The following ANO2 variants were observed in gnomAD, a reference collection of about 807,000 sequenced individuals.
ANO2 encodes anoctamin-2.
A neutral mutation model predicts 124.2 loss-of-function variants in ANO2; 101 were observed. The observed-to-expected ratio is 0.81, with a 90% confidence interval of 0.69 to 0.96. The LOEUF is 0.96. Ranked by LOEUF, ANO2 falls within the 40% of genes least tolerant of loss-of-function variation. The pLI, the probability that ANO2 is intolerant of heterozygous loss-of-function variation, is 0.00. For missense variants in ANO2, 1,293 were observed against 1,274.5 expected (o/e 1.01, Z -0.22); for synonymous variants, 486 against 482.5 (o/e 1.01, Z -0.09).
chr12:5,764,438 G>A (rs891712010), intron 10 of ANO2, among the ~76,000 whole-genome samples: 3 of 152,154 alleles, frequency 2.0e-5, no homozygotes, highest in Non-Finnish European at 2.9e-5. Flanking sequence ...TTACAGATGA[G>A]GAAACTGATG....
At chr12:5,845,945 A>G (rs1315489232) in intron 4 of ANO2, among the ~76,000 whole-genome samples, 1 of 152,224 alleles carries the variant, frequency 6.6e-6, no homozygotes, top group East Asian at 1.9e-4. Flanking sequence ...TTTAAAACTC[A>G]ATTAATTTAT....
intron 3 of ANO2, among the ~76,000 whole-genome samples, chr12:5,859,542 T>C (rs1291431259): frequency 6.7e-6 from 1 of 149,418 alleles, no homozygotes; most frequent in Non-Finnish European, 1.5e-5. Flanking sequence ...CTCTCTCTCT[T>C]TTTTTTTTTC....
chr12:5,937,609 T>C (rs377683282), intron 1 of ANO2, among the ~76,000 whole-genome samples: 1 of 152,244 alleles, frequency 6.6e-6, no homozygotes, highest in African/African-American at 2.4e-5. Context: ...ACATTGTGAA[T>C]GATAAAACAT....
chr12:5,608,319 C>T (rs1944318291), intron 19 of ANO2, among the ~76,000 whole-genome samples: 1 of 149,758 alleles, frequency 6.7e-6, no homozygotes, highest in South Asian at 2.2e-4. Flanking sequence ...CAAAATACAA[C>T]CTTTATAATT....
intron 10 of ANO2, among the ~76,000 whole-genome samples, chr12:5,757,498 G>A (rs186232943): frequency 2.0e-5 from 3 of 152,256 alleles, no homozygotes; most frequent in Non-Finnish European, 2.9e-5. Context: ...AGCCTGTGAC[G>A]TAAAACACAA....
chr12:5,940,477 C>G, intron 1 of ANO2, among the ~76,000 whole-genome samples: 1 of 152,202 alleles, frequency 6.6e-6, no homozygotes, highest in African/African-American at 2.4e-5. Context: ...GACCAGGAAG[C>G]CTAAGCATGC....
At chr12:5,599,419 C>G (rs1943818500) in intron 20 of ANO2, 65 bp downstream of exon 20, 1 of 1,534,276 alleles carries the variant, frequency 6.5e-7, no homozygotes, top group Non-Finnish European at 8.7e-7. Context: ...TACCTTCCCC[C>G]TTCAACCCCA....
At chr12:5,946,175 C>CTA (rs1164444384), upstream of ANO2, 4 of 1,613,718 alleles carry the variant, frequency 2.5e-6, no homozygotes, top group Non-Finnish European at 3.4e-6. This position sits in a 1 kb window ranked among gnomAD's most constrained non-coding sequence, Gnocchi z 4.1. Context: ...ATTTTCTCTC[C>CTA]TATATTGATA....
chr12:5,721,718 C>A lies in ANO2; in HGVS notation c.1545+10802G>T, dbSNP rs913117806. On this transcript the variant is annotated intron_variant, in intron 14 of 24. Coordinates refer to ENST00000682330, the MANE Select transcript of ANO2 (RefSeq NM_001364791.2). ...AGACACGGTCTTACTACGTTGCCCA[C>A]GCTGGTCTCAAACTCCTGAGCTCAA... Among the ~76,000 whole-genome samples the A allele has an allele frequency of 2.0e-5, 3 of 152,126 alleles. No individual in the cohort carries two copies. In the East Asian group the frequency reaches 5.8e-4, roughly 29 times the overall value.
In ANO2 at chr12:5,610,983, T is replaced by TTTTTTTTGCTTTTTTTTTTTG. The variant is rs1555100751; in HGVS notation, c.2087+1672_2087+1673insCAAAAAAAAAAAGCAAAAAAA. Among the ~76,000 whole-genome samples the TTTTTTTTGCTTTTTTTTTTTG allele has an allele frequency of 4.9e-5, 6 of 121,654 alleles. 1 individual carries two copies. Among genetic ancestry groups the TTTTTTTTGCTTTTTTTTTTTG allele is most frequent in the African/African-American group, 1.9e-4 (6 of 32,372 alleles). 79.8% of individuals were successfully genotyped at this position (121,654 alleles called of 152,430 possible). A position where few individuals can be genotyped will look rare whatever the true frequency, so the allele number is the denominator to read the frequency against. On this transcript the variant is annotated intron_variant, in intron 19 of 24. Coordinates refer to ENST00000682330, the MANE Select transcript of ANO2 (RefSeq NM_001364791.2). Reference sequence around the variant, plus strand: ...AACAAACTTCTCTGCTTTTTTTTTTTTTTTTTGAGACAGAGTCTTGCTCTG... The same window carrying TTTTTTTTGCTTTTTTTTTTTG: ...AACAAACTTCTCTGCTTTTTTTTTTTTTTTTTTGCTTTTTTTTTTTGTTTTTTGAGACAGAGTCTTGCTCTG...
chr12:5,563,318 G>C lies in ANO2; in HGVS notation c.2978C>G (p.Ser993Cys). The C allele has an allele frequency of 2.5e-6, 4 of 1,600,982 alleles. No homozygotes were observed. Among genetic ancestry groups the C allele is most frequent in the Non-Finnish European group, 3.4e-6 (4 of 1,176,730 alleles). The change falls in exon 25 of 25, where the codon TCT (serine) becomes TGT (cysteine). Residue 993 changes from serine (S) to cysteine (C), a missense_variant. By Grantham distance (112) the Ser-to-Cys change is moderately radical. Coordinates refer to ENST00000682330, the MANE Select transcript of ANO2 (RefSeq NM_001364791.2). The part of the protein sequence containing the change: ...SQLGSMMSSG[S>C]QHTNV ...AACTGCTCACACATTGGTGTGCTGA[G>C]AGCCTGACGACATCATGCTGCCCAG...
chr12:5,752,929 G>A (rs1276266620), intron 10 of ANO2, among the ~76,000 whole-genome samples: 1 of 152,126 alleles, frequency 6.6e-6, no homozygotes, highest in African/African-American at 2.4e-5. Flanking sequence ...TCATGCATGT[G>A]GATATCCAGT....
chr12:5,585,755 G>T (rs544484549), intron 20 of ANO2, among the ~76,000 whole-genome samples: 1 of 152,110 alleles, frequency 6.6e-6, no homozygotes, highest in Non-Finnish European at 1.5e-5. Context: ...GCGTGAGTTC[G>T]AAGGGCAATG....
intron 1 of ANO2, among the ~76,000 whole-genome samples, chr12:5,930,689 T>G (rs748712259): frequency 1.3e-5 from 2 of 152,154 alleles, no homozygotes; most frequent in South Asian, 2.1e-4. Context: ...GCTTCTTGCA[T>G]GAATTGGACC....
At chr12:5,922,562 T>C (rs1591796170) in intron 2 of ANO2, 58 bp downstream of exon 2, 1 of 1,479,642 alleles carries the variant, frequency 6.8e-7, no homozygotes, top group South Asian at 1.3e-5. Context: ...CAGAGGCTCC[T>C]TGGTGGCCTG....
chr12:5,645,427 A>ATGTG (rs556265817), intron 15 of ANO2, among the ~76,000 whole-genome samples: 16 of 146,148 alleles, frequency 1.1e-4, no homozygotes, highest in African/African-American at 1.9e-4. Context: ...GTGTGTGTGA[A>ATGTG]TGTGTGTGTG....
chr12:5,766,767 T>C (rs935924501), intron 10 of ANO2, among the ~76,000 whole-genome samples: 2 of 152,218 alleles, frequency 1.3e-5, no homozygotes, highest in African/African-American at 4.8e-5. Context: ...TGTTTGTCCC[T>C]CTGCTCTCAG....
intron 14 of ANO2, among the ~76,000 whole-genome samples, chr12:5,717,339 G>C (rs1950060108): frequency 6.6e-6 from 1 of 152,226 alleles, no homozygotes; most frequent in African/African-American, 2.4e-5. Flanking sequence ...TTGCATAGCA[G>C]AGGTTCTCTT....
intron 16 of ANO2, among the ~76,000 whole-genome samples, chr12:5,626,927 T>C (rs1945440302): frequency 6.6e-6 from 1 of 151,936 alleles, no homozygotes. Flanking sequence ...TCCTAGAAAA[T>C]CCAAAGAGAA....
Sources: gnomAD v4.1 joint callset for allele counts (sites outside exome capture counted in the v4.1 genomes callset) on GRCh38, gnomAD v4.1.1 for gene constraint, Gnocchi (gnomAD v3.1) non-coding constraint, MANE v1.5 for transcripts, NCBI Gene and HGNC (gene_info 2026-07-23, HGNC 2026-07-21) for gene names.